The following EFNA5 variants were observed in gnomAD, a reference collection of about 807,000 sequenced individuals.
The protein encoded by EFNA5 is ephrin-A5.
A neutral mutation model predicts 22.9 loss-of-function variants in EFNA5; 5 were observed. That is an observed-to-expected ratio of 0.22 (90% CI 0.11 to 0.46). The LOEUF is 0.46. Among genes scored for constraint, EFNA5 ranks in the 20% least tolerant of loss-of-function variants. EFNA5 has a pLI of 0.99. For missense variants in EFNA5, 237 were observed against 293.3 expected (o/e 0.81, Z 1.40); for synonymous variants, 113 against 112.2 (o/e 1.01, Z -0.04).
chr5:107,535,985 T>C (rs1413623109), intron 1 of EFNA5, among the ~76,000 whole-genome samples: 1 of 152,202 alleles, frequency 6.6e-6, no homozygotes, highest in Non-Finnish European at 1.5e-5. Flanking sequence ...TCTTCCCTGC[T>C]GATTCCCTGG....
At chr5:107,518,312 A>G (rs574952943) in intron 1 of EFNA5, among the ~76,000 whole-genome samples, 1 of 152,022 alleles carries the variant, frequency 6.6e-6, no homozygotes, top group East Asian at 1.9e-4. Context: ...CATTGCAGAC[A>G]TCGGTCCCTT....
At chr5:107,661,142 AAG>A (rs1750949134) in intron 1 of EFNA5, among the ~76,000 whole-genome samples, 3 of 130,562 alleles carry the variant, frequency 2.3e-5, no homozygotes, top group African/African-American at 5.1e-5. Context: ...GAAGAAGAAG[AAG>A]AAAAAAAAAG....
In EFNA5 at chr5:107,456,160, G is replaced by T. The variant is rs373470572; in HGVS notation, c.126-28651C>A. ...GAGGGCTAATTAAGAGCTCTGGGGTGATGGGGTGGTGGCTTAGCTCCTAAA... is the reference window on the plus strand; with the variant it reads ...GAGGGCTAATTAAGAGCTCTGGGGTTATGGGGTGGTGGCTTAGCTCCTAAA... On this transcript the variant is annotated intron_variant, in intron 1 of 4. Transcript: ENST00000333274. 1.2e-4 allele frequency among the ~76,000 whole-genome samples: 19 copies of T among 152,242 alleles called. No homozygotes were observed. In the East Asian group the frequency reaches 3.5e-3, roughly 28 times the overall value.
intron 1 of EFNA5, among the ~76,000 whole-genome samples, chr5:107,459,474 A>G (rs1405239844): frequency 6.6e-6 from 1 of 152,098 alleles, no homozygotes; most frequent in Admixed American, 6.6e-5. Context: ...AAGATCATTT[A>G]TCCTATGTTC....
intron 1 of EFNA5, among the ~76,000 whole-genome samples, chr5:107,450,193 A>T (rs2112445378): frequency 6.6e-6 from 1 of 152,174 alleles, no homozygotes; most frequent in Middle Eastern, 3.4e-3. Flanking sequence ...GCCACACAAA[A>T]ATTTTTTGGT....
At chr5:107,651,794 A>T (rs1750736612) in intron 1 of EFNA5, among the ~76,000 whole-genome samples, 1 of 152,140 alleles carries the variant, frequency 6.6e-6, no homozygotes, top group African/African-American at 2.4e-5. Context: ...TTATCATCTC[A>T]CCACTTAACC....
Position 107,379,897 on chromosome 5 carries a change from T to C in EFNA5, c.*1358A>G, listed in dbSNP as rs762860780. 2 of 152,242 alleles carry C rather than the reference T, an allele frequency of 1.3e-5. No homozygotes were observed. Among genetic ancestry groups the C allele is most frequent in the Non-Finnish European group, 2.9e-5 (2 of 68,048 alleles). 9.4% of individuals were successfully genotyped at this position (152,242 alleles called of 1,614,324 possible). A position where few individuals can be genotyped will look rare whatever the true frequency, so the allele number is the denominator to read the frequency against. On this transcript the variant is annotated 3_prime_UTR_variant, in exon 5 of 5. Transcript: ENST00000333274. ...TATCTAAATAATGTATTTTCTATTC[T>C]AGTGGATTTTTAAAAAAATATTTTG... is the stretch of plus-strand genomic sequence containing the variant.
intron 1 of EFNA5, among the ~76,000 whole-genome samples, chr5:107,452,345 A>T (rs952754216): frequency 6.6e-6 from 1 of 152,118 alleles, no homozygotes; most frequent in Non-Finnish European, 1.5e-5. Context: ...TTTTAGAAAA[A>T]AAAAGTCAGA....
At chr5:107,621,769 G>A (rs190643646) in intron 1 of EFNA5, among the ~76,000 whole-genome samples, 1 of 152,014 alleles carries the variant, frequency 6.6e-6, no homozygotes, top group Non-Finnish European at 1.5e-5. Context: ...AAAATAACGG[G>A]GGATTTAAAA....
chr5:107,402,869 G>A (rs1748120976), intron 2 of EFNA5, among the ~76,000 whole-genome samples: 1 of 152,198 alleles, frequency 6.6e-6, no homozygotes, highest in African/African-American at 2.4e-5. Flanking sequence ...ACCTTTGTGG[G>A]AGGAAAGGAA....
At chr5:107,531,197 G>C (rs1747803002) in intron 1 of EFNA5, among the ~76,000 whole-genome samples, 1 of 152,192 alleles carries the variant, frequency 6.6e-6, no homozygotes, top group Admixed American at 6.5e-5. Context: ...CTGGTTAACT[G>C]TAAGCTCACC....
intron 1 of EFNA5, among the ~76,000 whole-genome samples, chr5:107,569,579 AT>A (rs1748749661): frequency 7.8e-5 from 2 of 25,582 alleles, no homozygotes; most frequent in Non-Finnish European, 1.2e-4. Flanking sequence ...ATATATATAT[AT>A]ATATATATAT....
intron 1 of EFNA5, among the ~76,000 whole-genome samples, chr5:107,490,777 TTTAC>T (rs1414752098): frequency 1.3e-5 from 2 of 152,190 alleles, no homozygotes; most frequent in Non-Finnish European, 2.9e-5. Context: ...CAGATTCCTC[TTTAC>T]TTACTGTGTC....
chr5:107,650,418 T>C (rs1750705766), intron 1 of EFNA5, among the ~76,000 whole-genome samples: 1 of 152,118 alleles, frequency 6.6e-6, no homozygotes, highest in African/African-American at 2.4e-5. Flanking sequence ...TTAAACTCTA[T>C]GGCAAGAACT....
chr5:107,580,721 CAAAAAAAAAA>C (rs56868732), intron 1 of EFNA5, among the ~76,000 whole-genome samples: 1 of 83,692 alleles, frequency 1.2e-5, no homozygotes, highest in Non-Finnish European at 2.3e-5. Flanking sequence ...GACTCCATCT[CAAAAAAAAAA>C]AAAAAAAAAG....
intron 1 of EFNA5, among the ~76,000 whole-genome samples, chr5:107,670,112 A>G (rs573178326): frequency 7.3e-5 from 11 of 150,818 alleles, no homozygotes; most frequent in Middle Eastern, 3.6e-3. Flanking sequence ...ACGCTCCAGG[A>G]AGGAGCTCCC....
At chr5:107,391,046 C>G (rs1672701387) in intron 2 of EFNA5, among the ~76,000 whole-genome samples, 1 of 152,130 alleles carries the variant, frequency 6.6e-6, no homozygotes, top group African/African-American at 2.4e-5. Flanking sequence ...GTAATCCCAG[C>G]TACTCGGGAG....
chr5:107,468,250 G>T (rs1395135953), intron 1 of EFNA5, among the ~76,000 whole-genome samples: 1 of 152,166 alleles, frequency 6.6e-6, no homozygotes, highest in Non-Finnish European at 1.5e-5. Context: ...TATACTTGTA[G>T]CTTTAAATAG....
chr5:107,564,554 T>G (rs1748620566), intron 1 of EFNA5, among the ~76,000 whole-genome samples: 1 of 152,088 alleles, frequency 6.6e-6, no homozygotes, highest in Non-Finnish European at 1.5e-5. Flanking sequence ...CAAATGTTTG[T>G]CAAGTGCCAA....
Sources: allele counts gnomAD v4.1 joint callset (sites outside exome capture counted in the v4.1 genomes callset), GRCh38; gene constraint gnomAD v4.1.1; transcripts MANE v1.5; gene names NCBI Gene and HGNC (gene_info 2026-07-23, HGNC 2026-07-21).